Variants in OSBPL3 observed in about 807,000 individuals in gnomAD.
The protein encoded by OSBPL3 is oxysterol-binding protein-related protein 3.
In OSBPL3, 65 loss-of-function variants were observed where a neutral mutation model predicts 120.1. The ratio of observed to expected loss-of-function variants is 0.54; its 90% CI spans 0.44 to 0.67. The LOEUF (loss-of-function observed/expected upper bound fraction) is 0.67, where lower values mean the gene tolerates loss of function less well. Ranked by LOEUF, OSBPL3 falls within the 30% of genes least tolerant of loss-of-function variation. The pLI, the probability that OSBPL3 is intolerant of heterozygous loss-of-function variation, is 0.00. For missense variants in OSBPL3, 1,004 were observed against 1,082.1 expected (o/e 0.93, Z 1.01); for synonymous variants, 416 against 402.6 (o/e 1.03, Z -0.40).
Position 24,930,795 on chromosome 7 carries a change from G to A in OSBPL3, c.-149-38174C>T, listed in dbSNP as rs1465618747. Among the ~76,000 whole-genome samples, 2 of 152,184 alleles carry A rather than the reference G, an allele frequency of 1.3e-5. No individual in the cohort carries two copies. The highest frequency in any genetic ancestry group is 2.9e-5 in the Non-Finnish European group (2 of 68,030). On this transcript the variant is annotated intron_variant, in intron 1 of 22. Coordinates refer to ENST00000313367, the MANE Select transcript of OSBPL3 (RefSeq NM_015550.4). The surrounding 1 kb of genome is among the most constrained non-coding windows in gnomAD (Gnocchi z 4.4). ...TTAAGGGTTTAAGAACCTAGGTTGA[G>A]GTGAAGGATTTCTGATTAAATGAAT...
intron 1 of OSBPL3, among the ~76,000 whole-genome samples, chr7:24,926,756 C>A (rs1265987299): frequency 6.6e-6 from 1 of 152,208 alleles, no homozygotes; most frequent in Non-Finnish European, 1.5e-5. Context: ...AACACTATTA[C>A]AATAAAGATA....
chr7:24,798,787 A>G lies in OSBPL3; in HGVS notation c.*1396T>C, dbSNP rs901539946. The stretch of plus-strand genomic sequence containing the variant: ...TGTTTTCTGGAGAAATCTTTTTACT[A>G]CATCATTATACTTGATATTCCATAG... On this transcript the variant is annotated 3_prime_UTR_variant, in exon 23 of 23. Transcript: ENST00000313367. This position sits in a 1 kb window ranked among gnomAD's most constrained non-coding sequence, Gnocchi z 4.6. 6.5e-6 allele frequency: 1 copy of G among 152,748 alleles called. No individual in the cohort carries two copies. The highest frequency in any genetic ancestry group is 2.1e-4 in the South Asian group (1 of 4,826). The allele number at this position is 152,748 out of a possible 1,614,324, so 9.5% of individuals were successfully genotyped here. A position where few individuals can be genotyped will look rare whatever the true frequency, so the allele number is the denominator to read the frequency against.
chr7:24,844,058 T>C (rs1201751635), intron 12 of OSBPL3, among the ~76,000 whole-genome samples: 1 of 152,240 alleles, frequency 6.6e-6, no homozygotes, highest in Admixed American at 6.5e-5. Context: ...ATAATATTCC[T>C]AGCCCCTAGC....
rs778768516 is a variant in OSBPL3, at chr7:24,863,181, C to CA, written c.870+18dup. 1.2e-5 allele frequency: 19 copies of CA among 1,588,152 alleles called. No individual in the cohort carries two copies. In the South Asian group the frequency reaches 1.7e-4, roughly 14 times the overall value. ...AGGGCCAATGAAGAAACCAGTCTGT[C>CA]AGGGGAAGCAATGGTTACCTGCAGT... On this transcript the variant is annotated intron_variant, in intron 9 of 22. Transcript: ENST00000313367. The surrounding 1 kb of genome is among the most constrained non-coding windows in gnomAD (Gnocchi z 5.8).
At chr7:24,976,675 T>C (rs1817624897) in intron 1 of OSBPL3, among the ~76,000 whole-genome samples, 1 of 152,246 alleles carries the variant, frequency 6.6e-6, no homozygotes, top group Non-Finnish European at 1.5e-5. Context: ...AGTTTCCATC[T>C]TCCCTGGTAT....
chr7:24,958,997 A>C (rs1448030722), intron 1 of OSBPL3, among the ~76,000 whole-genome samples: 1 of 152,230 alleles, frequency 6.6e-6, no homozygotes, highest in Non-Finnish European at 1.5e-5. Context: ...CAAAGTATTA[A>C]GGGGATTACA....
chr7:24,850,207 G>C (rs1798970637), intron 11 of OSBPL3, among the ~76,000 whole-genome samples: 1 of 152,104 alleles, frequency 6.6e-6, no homozygotes, highest in South Asian at 2.1e-4. Flanking sequence ...TATTTCCCTG[G>C]GCAGGGATCA....
Position 24,966,215 on chromosome 7 carries a change from G to T in OSBPL3, c.-150+13671C>A, listed in dbSNP as rs1050491547. ...GTTCTTAGCCGCGAAGAGAAATCCA[G>T]CACCTGCGGAGACCACACACTGCAC... On this transcript the variant is annotated intron_variant, in intron 1 of 22. Coordinates refer to ENST00000313367, the MANE Select transcript of OSBPL3 (RefSeq NM_015550.4). The surrounding 1 kb of genome is among the most constrained non-coding windows in gnomAD (Gnocchi z 4.8). 1.3e-5 allele frequency among the ~76,000 whole-genome samples: 2 copies of T among 152,190 alleles called. No individual in the cohort carries two copies. Among genetic ancestry groups the T allele is most frequent in the Non-Finnish European group, 2.9e-5 (2 of 68,038 alleles).
At chr7:24,917,698 T>G (rs1487949317) in intron 1 of OSBPL3, among the ~76,000 whole-genome samples, 4 of 151,950 alleles carry the variant, frequency 2.6e-5, no homozygotes, top group Non-Finnish European at 5.9e-5. Context: ...ATGCAAAATA[T>G]GCCCTGGCAA....
At chr7:24,870,255 T>TG in intron 5 of OSBPL3, among the ~76,000 whole-genome samples, 2 of 152,174 alleles carry the variant, frequency 1.3e-5, no homozygotes, top group Non-Finnish European at 2.9e-5. Context: ...AAGTACTATT[T>TG]GGGAACCCAC....
rs1249572681 is a variant in OSBPL3, at chr7:24,947,139, T to C, written c.-150+32747A>G. The stretch of plus-strand genomic sequence containing the variant: ...CCTTGATGATGGTCAAGTCAAGGTG[T>C]TGTAGAAAGGAGTAAAACAACAGAT... On this transcript the variant is annotated intron_variant, in intron 1 of 22. Transcript: ENST00000313367. The surrounding 1 kb of genome is among the most constrained non-coding windows in gnomAD (Gnocchi z 4.4). Among the ~76,000 whole-genome samples, 1 of 152,138 alleles carries C rather than the reference T, an allele frequency of 6.6e-6. No individual in the cohort carries two copies. Among genetic ancestry groups the C allele is most frequent in the African/African-American group, 2.4e-5 (1 of 41,422 alleles).
chr7:24,866,514 G>A (rs745850923), intron 5 of OSBPL3, among the ~76,000 whole-genome samples: 5 of 152,204 alleles, frequency 3.3e-5, no homozygotes, highest in Admixed American at 2.6e-4. Flanking sequence ...GGTGGCACAC[G>A]CCTGTGATCT....
intron 12 of OSBPL3, 44 bp from the exon 13 acceptor site, chr7:24,842,457 T>C: frequency 1.4e-6 from 2 of 1,417,954 alleles, no homozygotes; most frequent in Non-Finnish European, 1.9e-6. Flanking sequence ...TTAAAAACAT[T>C]CTCAAGAGAA....
intron 1 of OSBPL3, among the ~76,000 whole-genome samples, chr7:24,942,045 T>G (rs1416959280): frequency 6.6e-6 from 1 of 152,206 alleles, no homozygotes; most frequent in Admixed American, 6.5e-5. Flanking sequence ...AGAAAAAGCT[T>G]TGTTCTGTGA....
At chr7:24,836,425 T>A (rs1374512623) in intron 14 of OSBPL3, among the ~76,000 whole-genome samples, 1 of 152,254 alleles carries the variant, frequency 6.6e-6, no homozygotes, top group Non-Finnish European at 1.5e-5. Flanking sequence ...TCTGCCTTCC[T>A]ATTTATGTAT....
chr7:24,913,146 C>A lies in OSBPL3; in HGVS notation c.-149-20525G>T, dbSNP rs189768969. Among the ~76,000 whole-genome samples the A allele has an allele frequency of 3.9e-5, 6 of 152,314 alleles. No individual in the cohort carries two copies. The East Asian group carries it at 1.2e-3, about 29-fold the overall frequency. On this transcript the variant is annotated intron_variant, in intron 1 of 22. Coordinates refer to ENST00000313367, the MANE Select transcript of OSBPL3 (RefSeq NM_015550.4). The surrounding 1 kb of genome is among the most constrained non-coding windows in gnomAD (Gnocchi z 5.3). ...CCAGTGAGTAGAGCAGAAACTATGT[C>A]TTTTCATCAAGTCCCACCCAAATTA...
chr7:24,872,963 T>C lies in OSBPL3; in HGVS notation c.97-894A>G, dbSNP rs143053697. On this transcript the variant is annotated intron_variant, in intron 2 of 22. Coordinates refer to ENST00000313367, the MANE Select transcript of OSBPL3 (RefSeq NM_015550.4). This position sits in a 1 kb window ranked among gnomAD's most constrained non-coding sequence, Gnocchi z 4.1. ...TTTTATTATTATTTTTACATTTTTA[T>C]TGGGGTACAATATACATGAAATGCA... 7.8e-3 allele frequency among the ~76,000 whole-genome samples: 1,195 copies of C among 152,334 alleles called. 10 individuals carry two copies. Among genetic ancestry groups the C allele is most frequent in the African/African-American group, 0.026 (1,076 of 41,576 alleles).
Position 24,877,378 on chromosome 7 carries a change from G to A in OSBPL3, c.97-5309C>T, listed in dbSNP as rs11768710. Among the ~76,000 whole-genome samples, 36,296 of 151,934 alleles carry A rather than the reference G, an allele frequency of 0.24. 4,370 individuals are homozygous for A. The highest frequency in any genetic ancestry group is 0.25 in the Admixed American group (3,834 of 15,272). On this transcript the variant is annotated intron_variant, in intron 2 of 22. Coordinates refer to ENST00000313367, the MANE Select transcript of OSBPL3 (RefSeq NM_015550.4). The surrounding 1 kb of genome is among the most constrained non-coding windows in gnomAD (Gnocchi z 4.8). ...GGGAAATTAGCCTGTGCATTTTAAG[G>A]CTGCCAAGTCTTCGCCATTCATTTT...
rs548676105 is a variant in OSBPL3 at position 24,827,468 on chromosome 7, T to C, written c.1884+3300A>G. On this transcript the variant is annotated intron_variant, in intron 16 of 22. Coordinates refer to ENST00000313367, the MANE Select transcript of OSBPL3 (RefSeq NM_015550.4). The surrounding 1 kb of genome is among the most constrained non-coding windows in gnomAD (Gnocchi z 5.1). ...CCCACTTCTAGGGCAGAGGACTGCC[T>C]GGTGTACTGAATCACATAGCTGCAT... 6.6e-6 allele frequency among the ~76,000 whole-genome samples: 1 copy of C among 152,374 alleles called. No individual in the cohort carries two copies. The highest frequency in any genetic ancestry group is 2.1e-4 in the South Asian group (1 of 4,830).
Sources: gnomAD v4.1 joint callset for allele counts (sites outside exome capture counted in the v4.1 genomes callset) on GRCh38, gnomAD v4.1.1 for gene constraint, Gnocchi (gnomAD v3.1) non-coding constraint, MANE v1.5 for transcripts, NCBI Gene and HGNC (gene_info 2026-07-23, HGNC 2026-07-21) for gene names.